MAMDC2: variants seen among roughly 807,000 people sequenced by gnomAD.
The protein encoded by MAMDC2 is MAM domain containing 2.
MAMDC2 carries 57 observed loss-of-function variants against 89.8 expected under a neutral mutation model. That is an observed-to-expected ratio of 0.63 (90% CI 0.51 to 0.79). The LOEUF (loss-of-function observed/expected upper bound fraction) is 0.79, where lower values mean the gene tolerates loss of function less well. Among genes scored for constraint, MAMDC2 ranks in the 30% least tolerant of loss-of-function variants. MAMDC2 has a pLI of 0.00. For synonymous variants in MAMDC2, 313 were observed against 293.4 expected (o/e 1.07, Z -0.68); for missense variants, 800 against 820.6 (o/e 0.97, Z 0.31).
At chr9:70,133,963 A>T (rs892311070) in intron 7 of MAMDC2, among the ~76,000 whole-genome samples, 1 of 152,188 alleles carries the variant, frequency 6.6e-6, no homozygotes, top group Non-Finnish European at 1.5e-5. Context: ...GGCCAGACTG[A>T]GTCTTTAGAA....
At chr9:70,220,823 T>C (rs2033542224) in intron 12 of MAMDC2, among the ~76,000 whole-genome samples, 1 of 152,248 alleles carries the variant, frequency 6.6e-6, no homozygotes, top group African/African-American at 2.4e-5. Context: ...TCTGAGAGTT[T>C]ATACATTCTC....
At position 70,072,090 on chromosome 9, in the gene MAMDC2, T is replaced by G. The variant is rs185697712; in HGVS notation, c.148+27393T>G. The stretch of plus-strand genomic sequence containing the variant: ...GTCAATTAAGTAGATGTTATCAATA[T>G]GACTGACAATAATAATTTCAGATTT... On this transcript the variant is annotated intron_variant, in intron 2 of 13. Transcript: ENST00000377182. 2.0e-5 allele frequency among the ~76,000 whole-genome samples: 3 copies of G among 152,364 alleles called. No individual in the cohort carries two copies. In the East Asian group the frequency reaches 5.8e-4, roughly 29 times the overall value.
intron 9 of MAMDC2, among the ~76,000 whole-genome samples, chr9:70,163,578 A>T (rs556298020): frequency 6.6e-6 from 1 of 152,232 alleles, no homozygotes; most frequent in Non-Finnish European, 1.5e-5. Flanking sequence ...AGAGGAAGAG[A>T]AAACTAAATC....
chr9:70,081,284 T>G (rs1000637042), intron 2 of MAMDC2, among the ~76,000 whole-genome samples: 1 of 152,068 alleles, frequency 6.6e-6, no homozygotes, highest in Admixed American at 6.6e-5. Flanking sequence ...ATGTTTATCT[T>G]GGGCTCAAGA....
chr9:70,106,868 C>T (rs1828356175), intron 2 of MAMDC2, among the ~76,000 whole-genome samples: 1 of 152,098 alleles, frequency 6.6e-6, no homozygotes. Context: ...TGAGGATGGC[C>T]GTCATCTGAG....
chr9:70,152,421 A>G (rs2031613670), intron 9 of MAMDC2, among the ~76,000 whole-genome samples: 1 of 152,170 alleles, frequency 6.6e-6, no homozygotes, highest in South Asian at 2.1e-4. Context: ...GCTCCCTAGG[A>G]AGGAAAGCAG....
chr9:70,203,882 C>G (rs1464029411), intron 11 of MAMDC2, among the ~76,000 whole-genome samples: 18 of 122,518 alleles, frequency 1.5e-4, no homozygotes, highest in African/African-American at 5.4e-4. Flanking sequence ...TCACGTAGTT[C>G]TCGAGCCTTG....
intron 11 of MAMDC2, among the ~76,000 whole-genome samples, chr9:70,182,082 C>T (rs1016662648): frequency 5.9e-5 from 9 of 151,454 alleles, no homozygotes; most frequent in East Asian, 1.9e-4. Flanking sequence ...TGAATTTTAT[C>T]GAAGGCCTTT....
chr9:70,097,271 A>T (rs1828053080), intron 2 of MAMDC2, among the ~76,000 whole-genome samples: 2 of 152,164 alleles, frequency 1.3e-5, no homozygotes, highest in South Asian at 4.2e-4. Flanking sequence ...CTTTGTCTTT[A>T]TTTGTGAGAG....
chr9:70,061,666 T>C (rs570862086), intron 2 of MAMDC2, among the ~76,000 whole-genome samples: 3 of 152,272 alleles, frequency 2.0e-5, no homozygotes, highest in African/African-American at 7.2e-5. Context: ...TAATACACTA[T>C]TTAAAAACTC....
intron 5 of MAMDC2, among the ~76,000 whole-genome samples, chr9:70,117,850 T>G (rs1162804194): frequency 6.6e-6 from 1 of 152,228 alleles, no homozygotes; most frequent in Non-Finnish European, 1.5e-5. Context: ...TCATGTACAT[T>G]ATGGCATTTC....
At chr9:70,208,425 C>G (rs896531868) in intron 11 of MAMDC2, among the ~76,000 whole-genome samples, 2 of 152,102 alleles carry the variant, frequency 1.3e-5, no homozygotes, top group African/African-American at 4.8e-5. Flanking sequence ...CATGATTTGG[C>G]TCTCTGTTTG....
intron 6 of MAMDC2, among the ~76,000 whole-genome samples, chr9:70,130,008 CTGTGTGTGTGTGTGTGTG>C (rs71364580): frequency 2.0e-5 from 3 of 147,096 alleles, no homozygotes; most frequent in Non-Finnish European, 1.5e-5. Context: ...ACATGGCATT[CTGTGTGTGTGTGTGTGTG>C]TGTGTGTGTG....
At chr9:70,187,281 T>C (rs1425364921) in intron 11 of MAMDC2, among the ~76,000 whole-genome samples, 1 of 152,136 alleles carries the variant, frequency 6.6e-6, no homozygotes, top group East Asian at 1.9e-4. Flanking sequence ...ATATTTTCTT[T>C]CTTTTTGTTC....
intron 11 of MAMDC2, chr9:70,170,966 T>C (rs1587540353): frequency 8.2e-6 from 2 of 243,296 alleles, no homozygotes; most frequent in East Asian, 1.7e-4. Context: ...AGGCCTAATA[T>C]ACAAAATATA....
At chr9:70,130,617 T>C (rs991695332) in intron 6 of MAMDC2, among the ~76,000 whole-genome samples, 1 of 152,172 alleles carries the variant, frequency 6.6e-6, no homozygotes, top group African/African-American at 2.4e-5. Flanking sequence ...CATTGGCCCA[T>C]GTTCTTTCTA....
intron 11 of MAMDC2, among the ~76,000 whole-genome samples, chr9:70,175,591 T>A (rs1349720654): frequency 1.3e-5 from 2 of 152,194 alleles, no homozygotes; most frequent in Non-Finnish European, 2.9e-5. Context: ...GGAAAAAATA[T>A]ATAGTATACA....
At chr9:70,188,531 A>AT (rs1162463599) in intron 11 of MAMDC2, 2 of 151,960 alleles carry the variant, frequency 1.3e-5, no homozygotes, top group African/African-American at 4.8e-5. Context: ...TTTAAAAAAT[A>AT]TTTTTACAAG....
intron 11 of MAMDC2, among the ~76,000 whole-genome samples, chr9:70,201,851 G>A (rs1418369648): frequency 1.4e-5 from 2 of 140,210 alleles, no homozygotes; most frequent in Non-Finnish European, 3.1e-5. Flanking sequence ...AGAGGTGTTT[G>A]TAGTATTCTC....
Sources: gnomAD v4.1 joint callset for allele counts (sites outside exome capture counted in the v4.1 genomes callset) on GRCh38, gnomAD v4.1.1 for gene constraint, MANE v1.5 for transcripts, NCBI Gene and HGNC (gene_info 2026-07-23, HGNC 2026-07-21) for gene names.